Variants in MFHAS1 observed in about 807,000 individuals in gnomAD.
MFHAS1 encodes malignant fibrous histiocytoma-amplified sequence 1.
Under a neutral mutation model 70.4 loss-of-function variants are expected in MFHAS1, and 50 were observed. The observed-to-expected ratio is 0.71, with a 90% CI of 0.57 to 0.90. MFHAS1 has a LOEUF of 0.90. MFHAS1 is among the 40% of genes least tolerant of loss of function. The pLI is 0.00. For missense variants in MFHAS1, 1,795 were observed against 1,347.6 expected (o/e 1.33, Z -5.20); for synonymous variants, 952 against 620.0 (o/e 1.54, Z -7.96).
intron 1 of MFHAS1, among the ~76,000 whole-genome samples, chr8:8,811,862 G>A (rs181169392): frequency 7.9e-5 from 12 of 152,330 alleles, no homozygotes; most frequent in Middle Eastern, 3.4e-3. Flanking sequence ...GGGGCACAGG[G>A]TTAGGCTGCG....
At chr8:8,809,185 G>A (rs992300554) in intron 1 of MFHAS1, among the ~76,000 whole-genome samples, 2 of 152,128 alleles carry the variant, frequency 1.3e-5, no homozygotes, top group African/African-American at 4.8e-5. Flanking sequence ...GGCTCCCACT[G>A]ATTCCACATT....
chr8:8,877,024 G>A (rs1406065337), intron 1 of MFHAS1, among the ~76,000 whole-genome samples: 1 of 152,058 alleles, frequency 6.6e-6, no homozygotes, highest in Non-Finnish European at 1.5e-5. Context: ...CCAGGGCTGG[G>A]CGCAGTGGCA....
intron 2 of MFHAS1, among the ~76,000 whole-genome samples, chr8:8,786,973 T>C (rs1475157958): frequency 6.6e-6 from 1 of 151,934 alleles, no homozygotes. Flanking sequence ...ACCAAAAACC[T>C]CTCATTTACT....
intron 1 of MFHAS1, among the ~76,000 whole-genome samples, chr8:8,850,919 CTT>C (rs146983228): frequency 0.035 from 5,280 of 152,082 alleles, 152 homozygotes; most frequent in Non-Finnish European, 0.053. Flanking sequence ...TCAGCGATCT[CTT>C]CTCTTTCCCC....
chr8:8,829,749 C>G (rs1807300729), intron 1 of MFHAS1, among the ~76,000 whole-genome samples: 1 of 152,152 alleles, frequency 6.6e-6, no homozygotes, highest in Non-Finnish European at 1.5e-5. Context: ...CAGTGCCTGA[C>G]ACAATGGCAG....
At chr8:8,881,305 G>A (rs893318775) in intron 1 of MFHAS1, among the ~76,000 whole-genome samples, 9 of 152,164 alleles carry the variant, frequency 5.9e-5, no homozygotes, top group Non-Finnish European at 1.0e-4. Context: ...CCAGAAATAA[G>A]TCAGCCCTGC....
chr8:8,876,670 C>A (rs1267356612), intron 1 of MFHAS1, among the ~76,000 whole-genome samples: 1 of 151,806 alleles, frequency 6.6e-6, no homozygotes, highest in Non-Finnish European at 1.5e-5. Context: ...AGCCACCACA[C>A]CTGGCCTATA....
chr8:8,892,273 C>T lies in MFHAS1; in HGVS notation c.786G>A (p.Leu262=). 6.2e-7 allele frequency: 1 copy of T among 1,612,384 alleles called. No homozygotes were observed. ...AGCTGAACTGGGCGGGCAGAGCCTG[C>T]AGCCCGTTGTTGTCTAGCATGAGGC... ...LESLMLDNNG[L]QALPAQFSCL... is the part of the protein sequence containing the mutation. The change falls in exon 1 of 3, where the codon CTG becomes CTA. Residue 262 remains leucine, a synonymous_variant. Coordinates refer to ENST00000276282, the MANE Select transcript of MFHAS1 (RefSeq NM_004225.3). The surrounding 1 kb of genome is among the most constrained non-coding windows in gnomAD (Gnocchi z 4.7).
In MFHAS1 at chr8:8,892,981, CCG is replaced by C; in HGVS notation, c.76_77del (p.Arg26GlufsTer40). 6.5e-7 allele frequency: 1 copy of C among 1,539,910 alleles called. No homozygotes were observed. On this transcript the variant is annotated frameshift_variant, in exon 1 of 3. Transcript: ENST00000276282. LOFTEE classifies it high-confidence loss of function. This position sits in a 1 kb window ranked among gnomAD's most constrained non-coding sequence, Gnocchi z 4.7. ...RDAALRARKL[R>X]SNLRQLTLTA... ...TAAGCGTGAGCTGGCGCAGGTTGCT[CCG>C]CAGCTTCCTGGCACGCAGGGCGGCG...
chr8:8,825,580 T>C (rs913806853), intron 1 of MFHAS1, among the ~76,000 whole-genome samples: 1 of 152,200 alleles, frequency 6.6e-6, no homozygotes, highest in African/African-American at 2.4e-5. Flanking sequence ...TGCAGGTGGC[T>C]GCCTTCTCCC....
Position 8,861,628 on chromosome 8 carries a change from A to C in MFHAS1, c.2998+28433T>G, listed in dbSNP as rs187755521. 3.9e-4 allele frequency among the ~76,000 whole-genome samples: 60 copies of C among 152,336 alleles called. No homozygotes were observed. In the East Asian group the frequency reaches 0.011, roughly 28 times the overall value. ...AAAATTCACCAATTTTAAACGTAGAACTTGATGCATTTTGACAGATATAGT... is the reference window on the plus strand; with the variant it reads ...AAAATTCACCAATTTTAAACGTAGACCTTGATGCATTTTGACAGATATAGT... On this transcript the variant is annotated intron_variant, in intron 1 of 2. Coordinates refer to ENST00000276282, the MANE Select transcript of MFHAS1 (RefSeq NM_004225.3).
In MFHAS1 at chr8:8,797,607, A is replaced by G. The variant is rs148884554; in HGVS notation, c.2999-116T>C. 2,121 of 1,172,604 alleles carry G rather than the reference A, an allele frequency of 1.8e-3. 4 individuals are homozygous for G. The highest frequency in any genetic ancestry group is 3.0e-3 in the Middle Eastern group (14 of 4,654). The allele number at this position is 1,172,604 out of a possible 1,614,324, so 72.6% of individuals were successfully genotyped here. On this transcript the variant is annotated intron_variant, in intron 1 of 2. Transcript: ENST00000276282. Reference sequence around the variant, plus strand: ...GGGGGAGAAGGGCAGAGGTGAAGCAACGAAGGATGTGAGAACAAATGTGCA... The same window carrying G: ...GGGGGAGAAGGGCAGAGGTGAAGCAGCGAAGGATGTGAGAACAAATGTGCA...
At chr8:8,844,263 A>T (rs1162566706) in intron 1 of MFHAS1, among the ~76,000 whole-genome samples, 1 of 152,240 alleles carries the variant, frequency 6.6e-6, no homozygotes, top group African/African-American at 2.4e-5. Flanking sequence ...TATGATTCTA[A>T]GTCAGTTAAT....
intron 1 of MFHAS1, among the ~76,000 whole-genome samples, chr8:8,856,438 G>T (rs184221350): frequency 6.6e-6 from 1 of 152,354 alleles, no homozygotes; most frequent in East Asian, 1.9e-4. Flanking sequence ...GGAGGTAAGG[G>T]ATGGTGTGTA....
intron 2 of MFHAS1, among the ~76,000 whole-genome samples, chr8:8,793,916 G>A (rs1341678187): frequency 1.3e-5 from 2 of 152,130 alleles, no homozygotes; most frequent in Non-Finnish European, 2.9e-5. Context: ...GGCTGGGCAC[G>A]GTGGCTCATG....
At chr8:8,858,013 C>G (rs1808508940) in intron 1 of MFHAS1, among the ~76,000 whole-genome samples, 1 of 152,150 alleles carries the variant, frequency 6.6e-6, no homozygotes, top group African/African-American at 2.4e-5. Flanking sequence ...CTGAACAAAA[C>G]AAAATGCTCT....
intron 1 of MFHAS1, among the ~76,000 whole-genome samples, chr8:8,835,433 C>T (rs1013774028): frequency 1.3e-5 from 2 of 152,154 alleles, no homozygotes; most frequent in Non-Finnish European, 2.9e-5. Context: ...ACCCATCATG[C>T]AGCCGCCATC....
Position 8,784,081 on chromosome 8 carries a change from C to T in MFHAS1, c.*1941G>A, listed in dbSNP as rs1462468322. The stretch of plus-strand genomic sequence containing the variant: ...AGCAAATACTTTGTAGGGTGTGTCA[C>T]CCAAAGGAGCATTTTTGTCATTTAA... On this transcript the variant is annotated 3_prime_UTR_variant, in exon 3 of 3. Transcript: ENST00000276282. 1 of 152,120 alleles carries T rather than the reference C, an allele frequency of 6.6e-6. No individual in the cohort carries two copies. Among genetic ancestry groups the T allele is most frequent in the African/African-American group, 2.4e-5 (1 of 41,402 alleles). 9.4% of individuals were successfully genotyped at this position (152,120 alleles called of 1,614,324 possible). A position where few individuals can be genotyped will look rare whatever the true frequency, so the allele number is the denominator to read the frequency against.
chr8:8,832,528 C>T (rs1452347501), intron 1 of MFHAS1, among the ~76,000 whole-genome samples: 3 of 151,558 alleles, frequency 2.0e-5, no homozygotes, highest in Non-Finnish European at 4.4e-5. Context: ...CAAACAGAAA[C>T]CTTACGAAGA....
Sources: gnomAD v4.1 joint callset for allele counts (sites outside exome capture counted in the v4.1 genomes callset) on GRCh38, gnomAD v4.1.1 for gene constraint, Gnocchi (gnomAD v3.1) non-coding constraint, MANE v1.5 for transcripts, NCBI Gene and HGNC (gene_info 2026-07-23, HGNC 2026-07-21) for gene names.